The following NFATC2IP variants were observed in gnomAD, a reference collection of about 807,000 sequenced individuals.
NFATC2IP encodes the protein NFATC2-interacting protein.
Under a neutral mutation model 40.2 loss-of-function variants are expected in NFATC2IP, and 25 were observed. The ratio of observed to expected loss-of-function variants is 0.62; its 90% confidence interval spans 0.45 to 0.87. NFATC2IP has a LOEUF of 0.87. Among genes scored for constraint, NFATC2IP ranks in the 40% least tolerant of loss-of-function variants. The pLI is 0.00. For missense variants in NFATC2IP, 553 were observed against 555.6 expected, an observed-to-expected ratio of 1.00 and a Z score of 0.05; for synonymous variants, 241 against 236.3, an observed-to-expected ratio of 1.02 and a Z score of -0.18.
At chr16:28,961,540 A>G (rs1051995487) in intron 7 of NFATC2IP, among the ~76,000 whole-genome samples, 6 of 151,958 alleles carry the variant, frequency 3.9e-5, no homozygotes, top group African/African-American at 1.2e-4. Context: ...TAGCAGAGCA[A>G]GTGTCTCTGA....
intron 5 of NFATC2IP, chr16:28,957,682 T>C (rs1965036571): frequency 6.6e-6 from 1 of 151,976 alleles, no homozygotes; most frequent in African/African-American, 2.4e-5. Context: ...CTTGCTTTGT[T>C]GCTCAGGCTG....
intron 7 of NFATC2IP, among the ~76,000 whole-genome samples, chr16:28,963,377 G>A (rs77003191): frequency 0.017 from 2,581 of 152,204 alleles, 49 homozygotes; most frequent in Non-Finnish European, 0.024. Flanking sequence ...TTAGTCATTG[G>A]TACACACTTC....
intron 5 of NFATC2IP, among the ~76,000 whole-genome samples, chr16:28,958,174 G>A (rs922976692): frequency 2.6e-5 from 4 of 152,038 alleles, no homozygotes; most frequent in Non-Finnish European, 5.9e-5. Context: ...ATGTGGCCAG[G>A]TGCGGTGGCT....
Position 28,964,950 on chromosome 16 carries a change from G to A in NFATC2IP, c.*1087G>A, listed in dbSNP as rs942245841. 3.3e-5 allele frequency: 5 copies of A among 152,226 alleles called. No homozygotes were observed. The highest frequency in any genetic ancestry group is 1.3e-4 in the Admixed American group (2 of 15,290). The allele number at this position is 152,226 out of a possible 1,614,324, so 9.4% of individuals were successfully genotyped here. ...GTTCCCTTCTGTGCTTGTGTGGCAT[G>A]TGTACCCAGGATGGGCCTATAGGTC... is the stretch of plus-strand genomic sequence containing the variant. On this transcript the variant is annotated 3_prime_UTR_variant, in exon 8 of 8. Coordinates refer to ENST00000320805, the MANE Select transcript of NFATC2IP (RefSeq NM_032815.4).
intron 7 of NFATC2IP, among the ~76,000 whole-genome samples, chr16:28,962,258 T>TA (rs1965097160): frequency 6.6e-6 from 1 of 152,130 alleles, no homozygotes; most frequent in South Asian, 2.1e-4. Flanking sequence ...GGGAGACACT[T>TA]ACTTTCATTT....
rs891954762 is a variant in NFATC2IP, at chr16:28,965,572, A to G, written c.*1709A>G. On this transcript the variant is annotated 3_prime_UTR_variant, in exon 8 of 8. Transcript: ENST00000320805. ...GCTGGGCATGGTGGCGCACACCTGTAGTCCCAGCTACTCTGGAGGCTGAGG... is the reference window on the plus strand; with the variant it reads ...GCTGGGCATGGTGGCGCACACCTGTGGTCCCAGCTACTCTGGAGGCTGAGG... The G allele has an allele frequency of 6.6e-6, 1 of 152,240 alleles. No individual in the cohort carries two copies. The highest frequency in any genetic ancestry group is 1.5e-5 in the Non-Finnish European group (1 of 68,102). The allele number at this position is 152,240 out of a possible 1,614,324, so 9.4% of individuals were successfully genotyped here.
intron 7 of NFATC2IP, among the ~76,000 whole-genome samples, chr16:28,963,309 T>C (rs930331347): frequency 5.9e-5 from 9 of 152,204 alleles, no homozygotes; most frequent in Non-Finnish European, 1.3e-4. Context: ...ACATATCTAA[T>C]AGGTGGGAGA....
In NFATC2IP at chr16:28,954,630, A is replaced by G; in HGVS notation, c.526A>G (p.Lys176Glu). ...CTCCCCATCACCAGGCTCTCCCTGG[A>G]AGACAAAGCTGAGGACTAAGGATAA... ...EGSPSPGSPW[K>E]TKLRTKDKEE... The change falls in exon 3 of 8, where the codon AAG (lysine) becomes GAG (glutamate). Residue 176 changes from lysine to glutamate, a missense_variant. Coordinates refer to ENST00000320805, the MANE Select transcript of NFATC2IP (RefSeq NM_032815.4). The G allele has an allele frequency of 1.2e-6, 2 of 1,614,038 alleles. No homozygotes were observed. Among genetic ancestry groups the G allele is most frequent in the Non-Finnish European group, 1.7e-6 (2 of 1,179,928 alleles).
chr16:28,955,036 A>T (rs1390361846), intron 3 of NFATC2IP, among the ~76,000 whole-genome samples: 4 of 151,530 alleles, frequency 2.6e-5, no homozygotes, highest in African/African-American at 9.7e-5. Context: ...TACAAAAAAT[A>T]AAAAAAAATT....
rs149744227 is a variant in NFATC2IP, at chr16:28,954,878, G to T, written c.578+196G>T. 1.7e-3 allele frequency among the ~76,000 whole-genome samples: 254 copies of T among 152,156 alleles called. 3 individuals carry two copies. Among genetic ancestry groups the T allele is most frequent in the African/African-American group, 5.9e-3 (246 of 41,520 alleles). On this transcript the variant is annotated intron_variant, in intron 3 of 7. Coordinates refer to ENST00000320805, the MANE Select transcript of NFATC2IP (RefSeq NM_032815.4). ...CGGAGGGTGACAGTGAACCCTTCAG[G>T]ATCACCCTTGGGAGTGGATTCTGAG...
At chr16:28,956,080 G>T (rs745670071) in intron 4 of NFATC2IP, 22 bp downstream of exon 4, 30 of 1,613,862 alleles carry the variant, frequency 1.9e-5, no homozygotes, top group Non-Finnish European at 2.5e-5. Context: ...AGGGGCTCTG[G>T]CTGGGATGGA....
chr16:28,963,800 A>C lies in NFATC2IP; in HGVS notation c.1197A>C (p.Ser399=). Residue 399 remains serine (S), a synonymous_variant, in exon 8 of 8, where the codon TCA becomes TCC. Transcript: ENST00000320805. The part of the protein sequence containing the change: ...LSFFFDGTKL[S]GRELPADLGM... ...TCTTCTTTGATGGGACAAAGCTTTCAGGCAGGGAGCTGCCAGCTGACCTGG... is the reference window on the plus strand; with the variant it reads ...TCTTCTTTGATGGGACAAAGCTTTCCGGCAGGGAGCTGCCAGCTGACCTGG... 1 of 1,614,194 alleles carries C rather than the reference A, an allele frequency of 6.2e-7. No homozygotes were observed. The highest frequency in any genetic ancestry group is 2.2e-5 in the East Asian group (1 of 44,896).
At chr16:28,956,468 T>C (rs903043913) in intron 5 of NFATC2IP, 131 bp downstream of exon 5, 2 of 653,866 alleles carry the variant, frequency 3.1e-6, no homozygotes, top group African/African-American at 1.8e-5. Flanking sequence ...CTGCCCATCA[T>C]TCTTTTCAGT....
At chr16:28,963,566 T>C in intron 7 of NFATC2IP, 139 bp from the exon 8 acceptor site, 2 of 687,460 alleles carry the variant, frequency 2.9e-6, no homozygotes. Context: ...TTGTCCTCTC[T>C]CCTTTCCCCG....
intron 7 of NFATC2IP, 63 bp from the exon 8 acceptor site, chr16:28,963,642 A>T: frequency 6.7e-7 from 1 of 1,487,464 alleles, no homozygotes. Flanking sequence ...TTCCTCGTCT[A>T]TCCCTACGGG....
Position 28,963,962 on chromosome 16 carries a change from CT to C in NFATC2IP, c.*102del. ...TAGCATAAGCTGAGGTAGAACTTAT[CT>C]TTAAGCTGCAGCAAAATCAAGGAGT... On this transcript the variant is annotated 3_prime_UTR_variant, in exon 8 of 8. Coordinates refer to ENST00000320805, the MANE Select transcript of NFATC2IP (RefSeq NM_032815.4). The C allele has an allele frequency of 9.0e-7, 1 of 1,109,264 alleles. No individual in the cohort carries two copies. The highest frequency in any genetic ancestry group is 1.3e-6 in the Non-Finnish European group (1 of 772,036). 68.7% of individuals were successfully genotyped at this position (1,109,264 alleles called of 1,614,324 possible).
chr16:28,963,089 G>A (rs543403317), intron 7 of NFATC2IP, among the ~76,000 whole-genome samples: 15 of 152,292 alleles, frequency 9.8e-5, no homozygotes, highest in African/African-American at 3.4e-4. Context: ...GGCTGAGGCA[G>A]GAGAATTGCT....
chr16:28,956,628 A>G, intron 5 of NFATC2IP: 1 of 349,492 alleles, frequency 2.9e-6, no homozygotes, highest in South Asian at 4.4e-5. Context: ...TACTGTGTCC[A>G]GGCTGGTTCC....
intron 2 of NFATC2IP, among the ~76,000 whole-genome samples, chr16:28,953,909 C>A (rs532040173): frequency 6.8e-6 from 1 of 146,372 alleles, no homozygotes; most frequent in East Asian, 2.0e-4. Context: ...CACAGTAGGA[C>A]CTGGTCTCAA....
Sources: gnomAD v4.1 joint callset for allele counts (sites outside exome capture counted in the v4.1 genomes callset) on GRCh38, gnomAD v4.1.1 for gene constraint, MANE v1.5 for transcripts, NCBI Gene and HGNC (gene_info 2026-07-23, HGNC 2026-07-21) for gene names.